The following TMEM132D variants were observed in gnomAD, a reference collection of about 807,000 sequenced individuals.
The protein encoded by TMEM132D is mature OL transmembrane protein.
Under a neutral mutation model 62.3 loss-of-function variants are expected in TMEM132D, and 21 were observed. That is an observed-to-expected ratio of 0.34 (90% CI 0.24 to 0.49). TMEM132D has a LOEUF of 0.49. TMEM132D is among the 20% of genes least tolerant of loss of function. The pLI is 0.99. For missense variants in TMEM132D, 1,346 were observed against 1,402.8 expected (o/e 0.96, Z 0.65); for synonymous variants, 621 against 575.6 (o/e 1.08, Z -1.13).
chr12:129,328,966 A>T (rs977384107), intron 4 of TMEM132D, among the ~76,000 whole-genome samples: 4 of 149,240 alleles, frequency 2.7e-5, no homozygotes, highest in Non-Finnish European at 5.9e-5. Flanking sequence ...TAAATTCTTT[A>T]TATATATAAA....
chr12:129,734,656 TG>T (rs1159075362), intron 1 of TMEM132D, among the ~76,000 whole-genome samples: 1 of 152,138 alleles, frequency 6.6e-6, no homozygotes, highest in East Asian at 1.9e-4. Flanking sequence ...AAAATACTTA[TG>T]TATATTAACA....
At chr12:129,553,552 G>A (rs368086523) in intron 2 of TMEM132D, among the ~76,000 whole-genome samples, 1 of 152,182 alleles carries the variant, frequency 6.6e-6, no homozygotes. Context: ...AGGGAGCGTG[G>A]ATACCAGCCT....
Position 129,541,343 on chromosome 12 carries a change from C to A in TMEM132D, c.969-10138G>T, listed in dbSNP as rs530316302. Among the ~76,000 whole-genome samples the A allele has an allele frequency of 6.6e-5, 10 of 152,268 alleles. No individual in the cohort carries two copies. The East Asian group carries it at 1.9e-3, about 29-fold the overall frequency. On this transcript the variant is annotated intron_variant, in intron 2 of 8. Transcript: ENST00000422113. Reference sequence around the variant, plus strand: ...CTACTGAACACAGACCACCACCCAACAACAGTCAAGGATGTTATTTAAATA... The same window carrying A: ...CTACTGAACACAGACCACCACCCAAAAACAGTCAAGGATGTTATTTAAATA...
intron 2 of TMEM132D, among the ~76,000 whole-genome samples, chr12:129,588,249 T>C (rs544868851): frequency 6.6e-6 from 1 of 152,338 alleles, no homozygotes; most frequent in Admixed American, 6.5e-5. Context: ...CTACAGATTC[T>C]ATAGGTTAAG....
chr12:129,473,948 C>T (rs765682973), intron 3 of TMEM132D, among the ~76,000 whole-genome samples: 3 of 152,290 alleles, frequency 2.0e-5, no homozygotes, highest in Middle Eastern at 3.4e-3. Flanking sequence ...TCTTGTATAA[C>T]CAACAAACCA....
chr12:129,834,333 T>C (rs891190192), intron 1 of TMEM132D, among the ~76,000 whole-genome samples: 1 of 152,052 alleles, frequency 6.6e-6, no homozygotes. Flanking sequence ...GGACAATTAG[T>C]CCACCACCAC....
chr12:129,504,042 T>TGTC (rs1566090595), intron 3 of TMEM132D, among the ~76,000 whole-genome samples: 1 of 151,554 alleles, frequency 6.6e-6, no homozygotes, highest in Non-Finnish European at 1.5e-5. Flanking sequence ...TCATCATTAC[T>TGTC]GTCATCATCA....
In TMEM132D at chr12:129,371,252, AGTGATGATGATGATGAAGGTGGTGTTG is replaced by A. The variant is rs1488073021; in HGVS notation, c.1116-33462_1116-33436del. Among the ~76,000 whole-genome samples the A allele has an allele frequency of 1.3e-5, 2 of 151,988 alleles. No individual in the cohort carries two copies. Among genetic ancestry groups the A allele is most frequent in the Admixed American group, 6.6e-5 (1 of 15,250 alleles). ...TTGTTACTGTGGTGATGATGGTGGC[AGTGATGATGATGATGAAGGTGGTGTTG>A]GTGACGATGATGATGATGATGGAGA... On this transcript the variant is annotated intron_variant, in intron 3 of 8. Coordinates refer to ENST00000422113, the MANE Select transcript of TMEM132D (RefSeq NM_133448.3). The surrounding 1 kb of genome is among the most constrained non-coding windows in gnomAD (Gnocchi z 4.3).
intron 1 of TMEM132D, among the ~76,000 whole-genome samples, chr12:129,863,239 C>G (rs1451654724): frequency 6.6e-6 from 1 of 152,120 alleles, no homozygotes; most frequent in Non-Finnish European, 1.5e-5. Context: ...GATTTGTGGA[C>G]AGTGCTAAGG....
At position 129,507,457 on chromosome 12, in the gene TMEM132D, A is replaced by G. The variant is rs112482901; in HGVS notation, c.1115+23602T>C. Among the ~76,000 whole-genome samples the G allele has an allele frequency of 4.4e-3, 663 of 152,334 alleles. 6 individuals are homozygous for G. Among genetic ancestry groups the G allele is most frequent in the African/African-American group, 0.015 (625 of 41,572 alleles). On this transcript the variant is annotated intron_variant, in intron 3 of 8. Coordinates refer to ENST00000422113, the MANE Select transcript of TMEM132D (RefSeq NM_133448.3). Reference sequence around the variant, plus strand: ...TTGCAATTGCAAAAATGTGGAACCAACCCAAATGATCATCAATCAACGAAT... The same window carrying G: ...TTGCAATTGCAAAAATGTGGAACCAGCCCAAATGATCATCAATCAACGAAT...
At chr12:129,230,420 A>T (rs1351305234) in intron 4 of TMEM132D, among the ~76,000 whole-genome samples, 1 of 152,260 alleles carries the variant, frequency 6.6e-6, no homozygotes, top group African/African-American at 2.4e-5. Flanking sequence ...ACAGATGAAA[A>T]TCATGGGGAC....
At position 129,072,600 on chromosome 12, in the gene TMEM132D, T is replaced by G. The variant is rs555112679; in HGVS notation, c.*1275A>C. On this transcript the variant is annotated 3_prime_UTR_variant, in exon 9 of 9. Transcript: ENST00000422113. Reference sequence around the variant, plus strand: ...CCCTTATCCCTTCGCACCTCCAAGATGAAGAAGGTTTCTGTGCTGTCCGGT... The same window carrying G: ...CCCTTATCCCTTCGCACCTCCAAGAGGAAGAAGGTTTCTGTGCTGTCCGGT... The G allele has an allele frequency of 6.6e-6, 1 of 152,422 alleles. No individual in the cohort carries two copies. Among genetic ancestry groups the G allele is most frequent in the Admixed American group, 6.5e-5 (1 of 15,286 alleles). 9.4% of individuals were successfully genotyped at this position (152,422 alleles called of 1,614,324 possible).
chr12:129,875,421 T>C (rs1448736064), intron 1 of TMEM132D, among the ~76,000 whole-genome samples: 5 of 152,182 alleles, frequency 3.3e-5, no homozygotes, highest in African/African-American at 9.6e-5. Flanking sequence ...GCCGAGACCA[T>C]GGTGCCAGCG....
intron 8 of TMEM132D, among the ~76,000 whole-genome samples, chr12:129,077,005 TGTTATTGG>T (rs764798726): frequency 2.6e-5 from 4 of 152,254 alleles, no homozygotes; most frequent in Non-Finnish European, 5.9e-5. Flanking sequence ...AATTCGATTC[TGTTATTGG>T]GATCAACCAC....
intron 4 of TMEM132D, among the ~76,000 whole-genome samples, chr12:129,285,829 GT>G (rs1308051430): frequency 6.6e-6 from 1 of 151,924 alleles, no homozygotes; most frequent in Non-Finnish European, 1.5e-5. Context: ...CACCCCAGTA[GT>G]TTCTCCATTC....
At chr12:129,580,579 C>T (rs1468349538) in intron 2 of TMEM132D, among the ~76,000 whole-genome samples, 3 of 152,068 alleles carry the variant, frequency 2.0e-5, no homozygotes, top group Non-Finnish European at 4.4e-5. Context: ...TGGCATGCAC[C>T]TGTAGACCCA....
At chr12:129,711,076 C>T (rs930302744) in intron 1 of TMEM132D, among the ~76,000 whole-genome samples, 1 of 152,172 alleles carries the variant, frequency 6.6e-6, no homozygotes, top group African/African-American at 2.4e-5. Context: ...CTAAAAAATC[C>T]CTCGTCCTTC....
chr12:129,609,324 A>T (rs1246018215), intron 2 of TMEM132D, among the ~76,000 whole-genome samples: 2 of 152,090 alleles, frequency 1.3e-5, no homozygotes, highest in Non-Finnish European at 2.9e-5. Flanking sequence ...CACTATCTGA[A>T]AGAGTCATCA....
At chr12:129,561,727 C>T (rs1877239637) in intron 2 of TMEM132D, among the ~76,000 whole-genome samples, 1 of 152,162 alleles carries the variant, frequency 6.6e-6, no homozygotes, top group Non-Finnish European at 1.5e-5. Context: ...GTTCTCTGCC[C>T]AATTAACATT....
Sources: gnomAD v4.1 joint callset for allele counts (sites outside exome capture counted in the v4.1 genomes callset) on GRCh38, gnomAD v4.1.1 for gene constraint, Gnocchi (gnomAD v3.1) non-coding constraint, MANE v1.5 for transcripts, NCBI Gene and HGNC (gene_info 2026-07-23, HGNC 2026-07-21) for gene names.